Variants in LRRC4C observed in about 807,000 individuals in gnomAD.
The protein encoded by LRRC4C is leucine-rich repeat-containing protein 4C.
A neutral mutation model predicts 33.6 loss-of-function variants in LRRC4C; 5 were observed. That is an observed-to-expected ratio of 0.15 (90% CI 0.08 to 0.31). The LOEUF (loss-of-function observed/expected upper bound fraction) is 0.31. LRRC4C is among the 10% of genes least tolerant of loss of function. The pLI is 1.00. For synonymous variants in LRRC4C, 329 were observed against 302.0 expected (o/e 1.09, Z -0.93); for missense variants, 560 against 796.7 (o/e 0.70, Z 3.58).
intron 4 of LRRC4C, among the ~76,000 whole-genome samples, chr11:40,287,761 A>G (rs2136526171): frequency 6.6e-6 from 1 of 152,356 alleles, no homozygotes; most frequent in East Asian, 1.9e-4. Context: ...GACACAGAAT[A>G]TATTTTCCAC....
At chr11:41,356,805 C>T (rs1447012180) in intron 1 of LRRC4C, among the ~76,000 whole-genome samples, 2 of 152,160 alleles carry the variant, frequency 1.3e-5, no homozygotes, top group East Asian at 3.9e-4. Flanking sequence ...CAAGCTTACA[C>T]CCAAAGCATG....
chr11:41,330,824 A>C (rs1242545369), intron 1 of LRRC4C, among the ~76,000 whole-genome samples: 3 of 152,048 alleles, frequency 2.0e-5, no homozygotes, highest in Non-Finnish European at 4.4e-5. Flanking sequence ...TATGTACACT[A>C]GTCCCCAATC....
intron 3 of LRRC4C, among the ~76,000 whole-genome samples, chr11:40,618,485 C>A (rs1008367092): frequency 2.6e-5 from 4 of 151,652 alleles, no homozygotes; most frequent in Non-Finnish European, 5.9e-5. Context: ...TGTTTTAAGT[C>A]ACCTGGTTTA....
intron 3 of LRRC4C, among the ~76,000 whole-genome samples, chr11:40,537,737 T>C (rs1212805328): frequency 6.6e-6 from 1 of 152,054 alleles, no homozygotes; most frequent in Non-Finnish European, 1.5e-5. Context: ...GATATATATA[T>C]ATGTGGATCA....
intron 2 of LRRC4C, among the ~76,000 whole-genome samples, chr11:40,711,340 C>G (rs1260228569): frequency 6.6e-6 from 1 of 152,172 alleles, no homozygotes; most frequent in Non-Finnish European, 1.5e-5. Context: ...GACCGAACCT[C>G]AGATTTTACA....
chr11:40,261,834 A>G (rs961677357), intron 4 of LRRC4C, among the ~76,000 whole-genome samples: 5 of 152,218 alleles, frequency 3.3e-5, no homozygotes, highest in Non-Finnish European at 7.3e-5. Flanking sequence ...ACAAAAATTA[A>G]CTCAGGACGG....
rs568373128 is a variant in LRRC4C, at chr11:40,792,655, A to G, written c.-407+140980T>C. 6.6e-4 allele frequency among the ~76,000 whole-genome samples: 100 copies of G among 152,292 alleles called. 1 individual carries two copies. Among genetic ancestry groups the G allele is most frequent in the African/African-American group, 2.2e-3 (92 of 41,534 alleles). ...TTACTGGGTATATACCCAAAGGATT[A>G]TAAATCATGCTGCTATAAAGACACA... On this transcript the variant is annotated intron_variant, in intron 2 of 6. Coordinates refer to ENST00000528697, the MANE Select transcript of LRRC4C (RefSeq NM_001258419.2).
At chr11:40,164,182 T>C (rs1223178072) in intron 5 of LRRC4C, among the ~76,000 whole-genome samples, 3 of 152,180 alleles carry the variant, frequency 2.0e-5, no homozygotes, top group Non-Finnish European at 4.4e-5. Flanking sequence ...ATTCTGCCAA[T>C]AATTACTTAA....
At chr11:41,375,881 A>G (rs1952919008) in intron 1 of LRRC4C, among the ~76,000 whole-genome samples, 1 of 152,048 alleles carries the variant, frequency 6.6e-6, no homozygotes, top group African/African-American at 2.4e-5. Flanking sequence ...TAATATTCAT[A>G]AATTTTAGGA....
At chr11:40,725,623 A>G (rs1947254733) in intron 2 of LRRC4C, among the ~76,000 whole-genome samples, 1 of 152,200 alleles carries the variant, frequency 6.6e-6, no homozygotes, top group Non-Finnish European at 1.5e-5. Flanking sequence ...TCTCATTATA[A>G]TACTAAAAAT....
intron 1 of LRRC4C, among the ~76,000 whole-genome samples, chr11:41,047,599 A>G (rs530861894): frequency 1.4e-4 from 21 of 152,152 alleles, no homozygotes; most frequent in Non-Finnish European, 2.5e-4. Flanking sequence ...TAAAAAATTT[A>G]AAAAAGATTA....
At chr11:41,282,826 C>T (rs1372065233) in intron 1 of LRRC4C, among the ~76,000 whole-genome samples, 1 of 152,134 alleles carries the variant, frequency 6.6e-6, no homozygotes, top group Non-Finnish European at 1.5e-5. Flanking sequence ...CAGCTCAGCC[C>T]ACCACTGTGC....
At chr11:41,291,568 T>C (rs1051667400) in intron 1 of LRRC4C, among the ~76,000 whole-genome samples, 3 of 152,178 alleles carry the variant, frequency 2.0e-5, no homozygotes, top group African/African-American at 7.2e-5. Flanking sequence ...GAAATATGGA[T>C]AGAAATTGAT....
intron 3 of LRRC4C, among the ~76,000 whole-genome samples, chr11:40,489,219 C>T (rs954450182): frequency 2.0e-5 from 3 of 152,234 alleles, no homozygotes; most frequent in African/African-American, 4.8e-5. Flanking sequence ...AACATCGTGC[C>T]TCAAGTTTTA....
chr11:40,189,529 A>C (rs1021342588), intron 5 of LRRC4C, among the ~76,000 whole-genome samples: 1 of 152,168 alleles, frequency 6.6e-6, no homozygotes, highest in Non-Finnish European at 1.5e-5. Context: ...ACCCTTCTAT[A>C]AAAAGAAGTG....
chr11:40,711,570 G>C (rs1018985126), intron 2 of LRRC4C, among the ~76,000 whole-genome samples: 7 of 152,060 alleles, frequency 4.6e-5, no homozygotes, highest in Non-Finnish European at 1.0e-4. Flanking sequence ...GAAAATATAA[G>C]ATTATATTTA....
intron 2 of LRRC4C, among the ~76,000 whole-genome samples, chr11:40,824,901 G>T (rs1163074848): frequency 6.6e-6 from 1 of 151,784 alleles, no homozygotes; most frequent in African/African-American, 2.4e-5. Flanking sequence ...ATAAAAATGC[G>T]GCTGTCACTT....
intron 3 of LRRC4C, among the ~76,000 whole-genome samples, chr11:40,363,626 T>C (rs374175914): frequency 3.3e-5 from 5 of 152,146 alleles, no homozygotes; most frequent in South Asian, 4.1e-4. Flanking sequence ...AATCCTCTCA[T>C]ATGTCTGATG....
intron 6 of LRRC4C, among the ~76,000 whole-genome samples, chr11:40,121,320 A>G (rs2134661716): frequency 6.6e-6 from 1 of 152,338 alleles, no homozygotes; most frequent in Non-Finnish European, 1.5e-5. Context: ...ATCAGTCATA[A>G]GTAATACTTT....
Sources: gnomAD v4.1 joint callset for allele counts (sites outside exome capture counted in the v4.1 genomes callset) on GRCh38, gnomAD v4.1.1 for gene constraint, MANE v1.5 for transcripts, NCBI Gene and HGNC (gene_info 2026-07-23, HGNC 2026-07-21) for gene names.